LIG1: variants seen among roughly 807,000 people sequenced by gnomAD.
The protein encoded by LIG1 is DNA ligase 1.
In LIG1, 70 loss-of-function variants were observed where a neutral mutation model predicts 115.7. The observed-to-expected ratio is 0.60, with a 90% CI of 0.50 to 0.74. The LOEUF (loss-of-function observed/expected upper bound fraction) is 0.74, where lower values mean the gene tolerates loss of function less well. Ranked by LOEUF, LIG1 falls within the 30% of genes least tolerant of loss-of-function variation. LIG1 has a pLI of 0.00. For missense variants in LIG1, 1,115 were observed against 1,225.6 expected, an observed-to-expected ratio of 0.91 and a Z score of 1.35; for synonymous variants, 487 against 495.3, an observed-to-expected ratio of 0.98 and a Z score of 0.22.
intron 12 of LIG1, among the ~76,000 whole-genome samples, chr19:48,139,009 T>C (rs380487): frequency 0.43 from 65,598 of 151,890 alleles, 14,913 homozygotes; most frequent in East Asian, 0.75. Flanking sequence ...CTGAAACCCC[T>C]GCCTTCCCTA....
chr19:48,161,149 G>A, intron 4 of LIG1: 1 of 614,518 alleles, frequency 1.6e-6, no homozygotes, highest in Admixed American at 2.8e-5. Context: ...GCATGTTACA[G>A]TTGAGGCATC....
intron 21 of LIG1, among the ~76,000 whole-genome samples, chr19:48,126,726 G>T (rs2033692645): frequency 6.6e-6 from 1 of 150,484 alleles, no homozygotes; most frequent in South Asian, 2.1e-4. Context: ...AATCCAATAT[G>T]CTCACCCAAA....
At chr19:48,170,173 T>C (rs2036731867) in intron 1 of LIG1, 68 bp downstream of exon 1, 2 of 454,408 alleles carry the variant, frequency 4.4e-6, no homozygotes, top group Middle Eastern at 3.3e-4. Context: ...TGGCGAAGCA[T>C]AGGCCCCAAG....
intron 1 of LIG1, among the ~76,000 whole-genome samples, chr19:48,168,845 T>C (rs2036610991): frequency 6.6e-6 from 1 of 152,180 alleles, no homozygotes; most frequent in Admixed American, 6.5e-5. Flanking sequence ...AAATGGGCAC[T>C]TTAAATACAC....
At chr19:48,120,203 G>A in intron 24 of LIG1, 1 of 985,430 alleles carries the variant, frequency 1.0e-6, no homozygotes, top group South Asian at 4.7e-5. Context: ...TCCCCACACA[G>A]CCACGGGGAG....
chr19:48,133,562 A>G (rs968775400), intron 17 of LIG1: 1 of 314,456 alleles, frequency 3.2e-6, no homozygotes, highest in Non-Finnish European at 6.2e-6. Context: ...TGTGTGACAG[A>G]AAGAAATTCT....
At chr19:48,168,640 T>C (rs965356404) in intron 1 of LIG1, among the ~76,000 whole-genome samples, 4 of 152,182 alleles carry the variant, frequency 2.6e-5, no homozygotes, top group Admixed American at 2.0e-4. Context: ...TGGTGGAATG[T>C]CTACCCTTAG....
At chr19:48,129,296 C>T (rs2033867766) in intron 19 of LIG1, among the ~76,000 whole-genome samples, 1 of 152,218 alleles carries the variant, frequency 6.6e-6, no homozygotes, top group African/African-American at 2.4e-5. Context: ...AGTGATTCAC[C>T]CGCCTTGCCC....
chr19:48,129,754 G>A (rs898182194), intron 19 of LIG1, among the ~76,000 whole-genome samples: 1 of 152,006 alleles, frequency 6.6e-6, no homozygotes, highest in African/African-American at 2.4e-5. Flanking sequence ...GGAAATATTT[G>A]ATTTTTTATT....
intron 1 of LIG1, 81 bp downstream of exon 1, chr19:48,170,157 CCGA>C (rs969370950): frequency 6.6e-6 from 3 of 453,502 alleles, no homozygotes; most frequent in African/African-American, 4.0e-5. Context: ...TGCAGACACC[CCGA>C]CATGGCGAAG....
At chr19:48,136,623 C>G (rs1681503368) in intron 14 of LIG1, among the ~76,000 whole-genome samples, 1 of 152,182 alleles carries the variant, frequency 6.6e-6, no homozygotes, top group African/African-American at 2.4e-5. Context: ...TGAGGTAAGG[C>G]ACGGGGCACA....
intron 6 of LIG1, among the ~76,000 whole-genome samples, chr19:48,152,129 T>A (rs2035516259): frequency 6.6e-6 from 1 of 151,878 alleles, no homozygotes; most frequent in Admixed American, 6.6e-5. Flanking sequence ...AGAAATCAAA[T>A]CTTTTTTTTT....
At position 48,123,524 on chromosome 19, in the gene LIG1, A is replaced by G. The variant is rs148955551; in HGVS notation, c.2005-206T>C. 133 of 621,138 alleles carry G rather than the reference A, an allele frequency of 2.1e-4. 1 individual carries two copies. The East Asian group carries it at 3.4e-3, about 16-fold the overall frequency. The allele number at this position is 621,138 out of a possible 1,614,324, so 38.5% of individuals were successfully genotyped here. ...GTCACTGGCAAGAGGGCCCGACACCATTTAGAGTCGGTGACTTCAGGAGCA... is the reference window on the plus strand; with the variant it reads ...GTCACTGGCAAGAGGGCCCGACACCGTTTAGAGTCGGTGACTTCAGGAGCA... On this transcript the variant is annotated intron_variant, in intron 21 of 27. Coordinates refer to ENST00000263274, the MANE Select transcript of LIG1 (RefSeq NM_000234.3).
At chr19:48,151,701 T>G (rs3730900) in intron 6 of LIG1, among the ~76,000 whole-genome samples, 4,848 of 152,112 alleles carry the variant, frequency 0.032, 266 homozygotes, top group African/African-American at 0.11. Context: ...AAAGTGCAGG[T>G]CTTACAGTTC....
chr19:48,127,009 C>T (rs1026065741), intron 21 of LIG1: 7 of 501,596 alleles, frequency 1.4e-5, no homozygotes, highest in Non-Finnish European at 2.2e-5. Flanking sequence ...CGTGCTTCTA[C>T]GACACACTCT....
intron 2 of LIG1, among the ~76,000 whole-genome samples, chr19:48,163,967 T>C (rs1228388078): frequency 6.8e-6 from 1 of 147,766 alleles, no homozygotes; most frequent in African/African-American, 2.5e-5. Context: ...AAAAAAAATG[T>C]TGGAAGGCGT....
chr19:48,170,201 G>A (rs3730840), intron 1 of LIG1, 40 bp downstream of exon 1: 154,716 of 454,550 alleles, frequency 0.34, 28,553 homozygotes, highest in East Asian at 0.56. Context: ...CGCACCCGCC[G>A]CCCTCCGCCT....
Position 48,162,463 on chromosome 19 carries a change from T to G in LIG1, c.18-112A>C, listed in dbSNP as rs534110094. ...TTTTTTTTTTTTTTGAGACAGAGTC[T>G]CGCTCTGTAGCCCAGGCTGGAGTGC... On this transcript the variant is annotated intron_variant, in intron 2 of 27. Coordinates refer to ENST00000263274, the MANE Select transcript of LIG1 (RefSeq NM_000234.3). 7.6e-5 allele frequency: 58 copies of G among 765,470 alleles called. 1 individual carries two copies. The South Asian group carries it at 8.4e-4, about 11-fold the overall frequency. 47.4% of individuals were successfully genotyped at this position (765,470 alleles called of 1,614,324 possible).
intron 1 of LIG1, 196 bp from the exon 2 acceptor site, chr19:48,165,819 C>A: frequency 1.6e-6 from 1 of 613,906 alleles, no homozygotes; most frequent in Middle Eastern, 3.7e-4. Flanking sequence ...AGCTCCAAAT[C>A]AGAGAAAAAG....
Sources: allele counts gnomAD v4.1 joint callset (sites outside exome capture counted in the v4.1 genomes callset), GRCh38; gene constraint gnomAD v4.1.1; transcripts MANE v1.5; gene names NCBI Gene and HGNC (gene_info 2026-07-23, HGNC 2026-07-21).